GRP: variants seen among roughly 807,000 people sequenced by gnomAD.
GRP encodes gastrin-releasing peptide.
Under a neutral mutation model 12.7 loss-of-function variants are expected in GRP, and 11 were observed. The ratio of observed to expected loss-of-function variants is 0.87; its 90% CI spans 0.55 to 1.44. The LOEUF (loss-of-function observed/expected upper bound fraction) is 1.44, where lower values mean the gene tolerates loss of function less well. Ranked by LOEUF, GRP falls within the 40% of genes most tolerant of loss-of-function variation. The pLI is 0.00. For missense variants in GRP, 212 were observed against 185.4 expected, an observed-to-expected ratio of 1.14 and a Z score of -0.83; for synonymous variants, 84 against 77.7, an observed-to-expected ratio of 1.08 and a Z score of -0.43.
chr18:59,219,409 G>A (rs2069790421), upstream of GRP, among the ~76,000 whole-genome samples: 1 of 142,628 alleles, frequency 7.0e-6, no homozygotes, highest in Admixed American at 7.0e-5. Flanking sequence ...CAGAGAGAGA[G>A]AGAGATTGGG....
At position 59,220,362 on chromosome 18, in the gene GRP, G is replaced by T; in HGVS notation, c.97G>T (p.Val33Leu). ...CCCGCTGCCTGCGGGCGGAGGGACC[G>T]TGCTGACCAAGATGTACCCGCGCGG... Reference protein sequence around the residue: ...AVPLPAGGGTVLTKMYPRGNH... With the variant: ...AVPLPAGGGTLLTKMYPRGNH... Residue 33 changes from valine to leucine, a missense_variant, in exon 1 of 3, where the codon GTG becomes TTG. Val to Leu is a conservative substitution (Grantham distance 32). Transcript: ENST00000256857. 2.1e-6 allele frequency: 3 copies of T among 1,460,966 alleles called. No homozygotes were observed. Among genetic ancestry groups the T allele is most frequent in the South Asian group, 1.4e-5 (1 of 73,156 alleles). 90.5% of individuals were successfully genotyped at this position (1,460,966 alleles called of 1,614,324 possible).
chr18:59,223,157 C>T (rs1050186165), intron 1 of GRP, among the ~76,000 whole-genome samples: 2 of 152,168 alleles, frequency 1.3e-5, no homozygotes, highest in Non-Finnish European at 2.9e-5. Flanking sequence ...AGAACAAAAG[C>T]TCTTTTTTTC....
Position 59,230,544 on chromosome 18 carries a change from C to A in GRP, c.*76C>A. ...TTCTGCAAGCATCAGTTCTACGGAT[C>A]ATCAACAAGATTTCCTTGTGCAAAA... On this transcript the variant is annotated 3_prime_UTR_variant, in exon 3 of 3. Transcript: ENST00000256857. 1.2e-6 allele frequency: 1 copy of A among 819,716 alleles called. No homozygotes were observed. The highest frequency in any genetic ancestry group is 1.4e-5 in the South Asian group (1 of 72,136). 50.8% of individuals were successfully genotyped at this position (819,716 alleles called of 1,614,324 possible).
chr18:59,226,991 TCCTTTCTTTCTTTC>T lies in GRP; in HGVS notation c.382+1258_382+1271del, dbSNP rs1259088957. Among the ~76,000 whole-genome samples, 438 of 134,466 alleles carry T rather than the reference TCCTTTCTTTCTTTC, an allele frequency of 3.3e-3. 4 individuals carry two copies. Among genetic ancestry groups the T allele is most frequent in the African/African-American group, 0.013 (419 of 32,848 alleles). 88.2% of individuals were successfully genotyped at this position (134,466 alleles called of 152,430 possible). A position where few individuals can be genotyped will look rare whatever the true frequency, so the allele number is the denominator to read the frequency against. On this transcript the variant is annotated intron_variant, in intron 2 of 2. Coordinates refer to ENST00000256857, the MANE Select transcript of GRP (RefSeq NM_002091.5). ...GTTCTGGCTATGTGGTTTCTTTTCT[TCCTTTCTTTCTTTC>T]TTTCTTTCTTTCTTTCTTTCTTTCT...
rs943163980 is a variant in GRP, at chr18:59,220,486, T to C, written c.139+82T>C. On this transcript the variant is annotated intron_variant, in intron 1 of 2. Coordinates refer to ENST00000256857, the MANE Select transcript of GRP (RefSeq NM_002091.5). ...GAGGGGACCTGTCTCCCCATTTCTT[T>C]GCGTTTCCCTGGCCCAGCTTTGGGA... 14 of 1,210,704 alleles carry C rather than the reference T, an allele frequency of 1.2e-5. No homozygotes were observed. In the South Asian group the frequency reaches 1.3e-4, roughly 11 times the overall value. The allele number at this position is 1,210,704 out of a possible 1,614,324, so 75.0% of individuals were successfully genotyped here.
At position 59,230,451 on chromosome 18, in the gene GRP, C is replaced by T; in HGVS notation, c.430C>T (p.Gln144Ter). The T allele has an allele frequency of 6.3e-7, 1 of 1,591,808 alleles. No homozygotes were observed. Among genetic ancestry groups the T allele is most frequent in the Admixed American group, 1.7e-5 (1 of 59,968 alleles). ...TTCTCAACGTGAAGGAAGGAACCCC[C>T]AGCTGAACCAGCAATGATAATGATG... ...PGSQREGRNP[Q>*]LNQQ The change falls in exon 3 of 3, where the codon CAG becomes TAG. Residue 144 changes from glutamine to a stop codon, truncating the protein, a stop_gained. Coordinates refer to ENST00000256857, the MANE Select transcript of GRP (RefSeq NM_002091.5). LOFTEE classifies it high-confidence loss of function.
intron 1 of GRP, among the ~76,000 whole-genome samples, chr18:59,221,262 C>G (rs2144095994): frequency 6.6e-6 from 1 of 152,368 alleles, no homozygotes. Flanking sequence ...GCCATGGCCC[C>G]TAGAACCCAG....
At chr18:59,221,094 C>G (rs1334961362) in intron 1 of GRP, among the ~76,000 whole-genome samples, 1 of 152,274 alleles carries the variant, frequency 6.6e-6, no homozygotes, top group Non-Finnish European at 1.5e-5. Flanking sequence ...CTTGGGGAAT[C>G]TCGCCTGCTC....
intron 1 of GRP, among the ~76,000 whole-genome samples, chr18:59,220,902 C>A (rs547449141): frequency 3.3e-5 from 5 of 152,356 alleles, no homozygotes; most frequent in Admixed American, 2.6e-4. Flanking sequence ...CGCAAAGCCA[C>A]AGGTGTGGGG....
At chr18:59,229,144 T>A (rs2069989985) in intron 2 of GRP, among the ~76,000 whole-genome samples, 1 of 152,174 alleles carries the variant, frequency 6.6e-6, no homozygotes, top group African/African-American at 2.4e-5. Context: ...GAATCACTCA[T>A]AACCTTCTGA....
chr18:59,220,115 C>G (rs979573311), upstream of GRP: 62 of 369,454 alleles, frequency 1.7e-4, 3 homozygotes, highest in Middle Eastern at 1.8e-3. Flanking sequence ...CCAGCCCCCC[C>G]GCCCGGGCTT....
In GRP at chr18:59,220,283, C is replaced by T. The variant is rs372288358; in HGVS notation, c.18C>T (p.Leu6=). 133 of 1,505,112 alleles carry T rather than the reference C, an allele frequency of 8.8e-5. 1 individual carries two copies. The highest frequency in any genetic ancestry group is 8.7e-4 in the East Asian group (32 of 36,822). The allele number at this position is 1,505,112 out of a possible 1,614,324, so 93.2% of individuals were successfully genotyped here. ...TCGGGACCATGCGCGGCCGTGAGCT[C>T]CCGCTGGTCCTGCTGGCGCTGGTCC... MRGRE[L]PLVLLALVLC... is the part of the protein sequence containing the mutation. The change falls in exon 1 of 3, where the codon CTC becomes CTT. Residue 6 remains leucine (L), a synonymous_variant. Transcript: ENST00000256857.
chr18:59,222,025 T>C (rs1199363344), intron 1 of GRP, among the ~76,000 whole-genome samples: 1 of 152,194 alleles, frequency 6.6e-6, no homozygotes, highest in Non-Finnish European at 1.5e-5. Flanking sequence ...TTAGAATTGA[T>C]GCTTCTTAAA....
In GRP at chr18:59,220,279, A is replaced by T; in HGVS notation, c.14A>T (p.Glu5Val). 1 of 1,504,774 alleles carries T rather than the reference A, an allele frequency of 6.6e-7. No individual in the cohort carries two copies. The highest frequency in any genetic ancestry group is 8.8e-7 in the Non-Finnish European group (1 of 1,131,598). The allele number at this position is 1,504,774 out of a possible 1,614,324, so 93.2% of individuals were successfully genotyped here. ...CCCGTCGGGACCATGCGCGGCCGTG[A>T]GCTCCCGCTGGTCCTGCTGGCGCTG... MRGRELPLVLLALVL... is the reference protein window; with the variant it reads MRGRVLPLVLLALVL... Residue 5 changes from glutamate (E) to valine (V), a missense_variant, in exon 1 of 3, where the codon GAG (glutamate) becomes GTG (valine). Physicochemically the swap from Glu to Val is moderately radical, Grantham distance 121. Transcript: ENST00000256857.
chr18:59,230,517 C>A lies in GRP; in HGVS notation c.*49C>A, dbSNP rs550222989. On this transcript the variant is annotated 3_prime_UTR_variant, in exon 3 of 3. Coordinates refer to ENST00000256857, the MANE Select transcript of GRP (RefSeq NM_002091.5). ...GAAAAACAAAACCCCTAAGAGACTGCGTTCTGCAAGCATCAGTTCTACGGA... is the reference window on the plus strand; with the variant it reads ...GAAAAACAAAACCCCTAAGAGACTGAGTTCTGCAAGCATCAGTTCTACGGA... The A allele has an allele frequency of 2.1e-6, 2 of 971,952 alleles. No homozygotes were observed. The highest frequency in any genetic ancestry group is 3.4e-6 in the Non-Finnish European group (2 of 594,170). The allele number at this position is 971,952 out of a possible 1,614,324, so 60.2% of individuals were successfully genotyped here.
chr18:59,227,020 T>TCTTTCTTTCTTC (rs2069943089), intron 2 of GRP, among the ~76,000 whole-genome samples: 1 of 141,922 alleles, frequency 7.0e-6, no homozygotes, highest in African/African-American at 2.7e-5. Context: ...TTTCTTTCTT[T>TCTTTCTTTCTTC]CTTTCTTTCT....
rs1218193742 is a variant in GRP at position 59,230,328 on chromosome 18, T to G, written c.383-76T>G. ...CAAGCTCCCAAGTGATGCTGATGACTTGTAGGAATGGATTTACTTCTAGGA... is the reference window on the plus strand; with the variant it reads ...CAAGCTCCCAAGTGATGCTGATGACGTGTAGGAATGGATTTACTTCTAGGA... On this transcript the variant is annotated intron_variant, in intron 2 of 2. Coordinates refer to ENST00000256857, the MANE Select transcript of GRP (RefSeq NM_002091.5). 7.0e-6 allele frequency: 6 copies of G among 859,252 alleles called. No homozygotes were observed. The African/African-American group carries it at 9.9e-5, about 14-fold the overall frequency. 53.2% of individuals were successfully genotyped at this position (859,252 alleles called of 1,614,324 possible). A position where few individuals can be genotyped will look rare whatever the true frequency, so the allele number is the denominator to read the frequency against.
intron 2 of GRP, among the ~76,000 whole-genome samples, chr18:59,229,190 G>A (rs538468394): frequency 2.0e-5 from 3 of 152,132 alleles, no homozygotes; most frequent in African/African-American, 7.2e-5. Flanking sequence ...GTAGAGTAAA[G>A]TTGGCCCCCA....
At chr18:59,225,911 CAT>C (rs1201839273) in intron 2 of GRP, among the ~76,000 whole-genome samples, 177 bp downstream of exon 2, 2 of 152,096 alleles carry the variant, frequency 1.3e-5, no homozygotes, top group Non-Finnish European at 2.9e-5. Context: ...TTCTTTTTGA[CAT>C]ATAGTCAAAA....
Sources: gnomAD v4.1 joint callset for allele counts (sites outside exome capture counted in the v4.1 genomes callset) on GRCh38, gnomAD v4.1.1 for gene constraint, MANE v1.5 for transcripts, NCBI Gene and HGNC (gene_info 2026-07-23, HGNC 2026-07-21) for gene names.